Variants in MLH3 observed in about 807,000 individuals in gnomAD.
MLH3 encodes mutL homolog 3, also known as DNA mismatch repair protein Mlh3.
In MLH3, 82 loss-of-function variants were observed where a neutral mutation model predicts 122.2. The observed-to-expected ratio is 0.67, with a 90% confidence interval of 0.56 to 0.81. The LOEUF is 0.81. Ranked by LOEUF, MLH3 falls within the 30% of genes least tolerant of loss-of-function variation. MLH3 has a pLI of 0.00. For synonymous variants in MLH3, 524 were observed against 599.5 expected (o/e 0.87, Z 1.84); for missense variants, 1,539 against 1,714.5 (o/e 0.90, Z 1.81).
intron 6 of MLH3, chr14:75,036,845 C>T: frequency 2.2e-6 from 1 of 448,954 alleles, no homozygotes; most frequent in South Asian, 1.6e-5. Flanking sequence ...CTTTCCAATA[C>T]ATTCACTGCT....
chr14:75,025,807 G>A (rs900289189), intron 9 of MLH3, among the ~76,000 whole-genome samples: 8 of 152,116 alleles, frequency 5.3e-5, no homozygotes, highest in Non-Finnish European at 1.0e-4. Flanking sequence ...CCACCTTCAC[G>A]ATGGAACTCC....
intron 3 of MLH3, 107 bp from the exon 4 acceptor site, chr14:75,041,807 C>A: frequency 2.6e-6 from 2 of 779,444 alleles, no homozygotes; most frequent in Non-Finnish European, 4.6e-6. Flanking sequence ...AGGTCACGTA[C>A]ATTGTTTCTA....
chr14:75,039,350 G>A (rs1048000962), intron 5 of MLH3, among the ~76,000 whole-genome samples: 1 of 152,078 alleles, frequency 6.6e-6, no homozygotes, highest in Non-Finnish European at 1.5e-5. Flanking sequence ...AAATTTGTTA[G>A]CCTCCTAATT....
At chr14:75,018,138 T>C (rs1890019518) in intron 12 of MLH3, among the ~76,000 whole-genome samples, 2 of 140,834 alleles carry the variant, frequency 1.4e-5, no homozygotes, top group South Asian at 4.7e-4. Context: ...ACAGCAAAAC[T>C]CCGTCTCAAA....
chr14:75,032,499 G>A (rs982027629), intron 7 of MLH3, among the ~76,000 whole-genome samples: 1 of 152,208 alleles, frequency 6.6e-6, no homozygotes, highest in African/African-American at 2.4e-5. Flanking sequence ...TATGTGGGTT[G>A]ACCACACAGT....
intron 9 of MLH3, among the ~76,000 whole-genome samples, chr14:75,026,692 T>C (rs1045829810): frequency 6.6e-6 from 1 of 152,124 alleles, no homozygotes; most frequent in Non-Finnish European, 1.5e-5. Context: ...AGATACATCA[T>C]AGGGAAATTG....
intron 9 of MLH3, among the ~76,000 whole-genome samples, chr14:75,025,715 A>G (rs1890584815): frequency 6.6e-6 from 1 of 152,118 alleles, no homozygotes; most frequent in Non-Finnish European, 1.5e-5. Context: ...TACAGCCCAG[A>G]TTTATTTTCC....
chr14:75,027,285 G>A (rs1416452047), intron 9 of MLH3, among the ~76,000 whole-genome samples: 1 of 150,474 alleles, frequency 6.6e-6, no homozygotes, highest in Non-Finnish European at 1.5e-5. Context: ...TTGAGACAGA[G>A]TTTCACTCTT....
intron 5 of MLH3, among the ~76,000 whole-genome samples, chr14:75,039,078 C>T (rs1364445251): frequency 1.3e-5 from 2 of 152,050 alleles, no homozygotes; most frequent in African/African-American, 4.8e-5. Flanking sequence ...AGGATGGTCT[C>T]GAACTCCTGA....
chr14:75,022,081 G>T (rs923263588), intron 11 of MLH3, among the ~76,000 whole-genome samples: 1 of 152,166 alleles, frequency 6.6e-6, no homozygotes, highest in African/African-American at 2.4e-5. Flanking sequence ...ACCAAATACT[G>T]CATGTTCTTA....
rs61404096 is a variant in MLH3 at position 75,049,902 on chromosome 14, CA to C, written c.-63-185del. ...ATGCTTGGTGCAATGGATTAACATC[CA>C]AAAAAAATTCATAATTTCATAATTT... On this transcript the variant is annotated intron_variant, in intron 1 of 12. Transcript: ENST00000355774. Among the ~76,000 whole-genome samples, 11 of 151,962 alleles carry C rather than the reference CA, an allele frequency of 7.2e-5. 1 individual carries two copies. In the South Asian group the frequency reaches 1.2e-3, roughly 17 times the overall value.
chr14:75,023,879 T>G (rs910773189), intron 9 of MLH3, among the ~76,000 whole-genome samples: 1 of 152,220 alleles, frequency 6.6e-6, no homozygotes, highest in African/African-American at 2.4e-5. Context: ...TCATCTATAC[T>G]CTAGTCTGCC....
intron 2 of MLH3, among the ~76,000 whole-genome samples, chr14:75,042,975 A>C (rs28891996): frequency 7.2e-5 from 11 of 151,968 alleles, no homozygotes; most frequent in African/African-American, 2.7e-4. Flanking sequence ...ATGGGGTTTC[A>C]CCATATTGGC....
chr14:75,035,062 C>CAGAA (rs1891304543), intron 6 of MLH3, among the ~76,000 whole-genome samples: 1 of 40,248 alleles, frequency 2.5e-5, no homozygotes, highest in African/African-American at 1.0e-4. Context: ...GACTCCATCT[C>CAGAA]AAAAAAAAAA....
In MLH3 at chr14:75,031,101, C is replaced by T. The variant is rs1010038673; in HGVS notation, c.3828-399G>A. Among the ~76,000 whole-genome samples the T allele has an allele frequency of 7.2e-5, 11 of 152,004 alleles. No homozygotes were observed. The East Asian group carries it at 1.5e-3, about 21-fold the overall frequency. ...CAAGGAATTGAGAAGTCCTGACTAACGGGATGTAAGTAAATAGATCTGCCT... is the reference window on the plus strand; with the variant it reads ...CAAGGAATTGAGAAGTCCTGACTAATGGGATGTAAGTAAATAGATCTGCCT... On this transcript the variant is annotated intron_variant, in intron 8 of 12. Coordinates refer to ENST00000355774, the MANE Select transcript of MLH3 (RefSeq NM_001040108.2).
rs1555386134 is a variant in MLH3 at position 75,015,933 on chromosome 14, C to G, written c.*1149G>C. The G allele has an allele frequency of 8.6e-6, 2 of 231,352 alleles. No homozygotes were observed. The highest frequency in any genetic ancestry group is 1.7e-5 in the Non-Finnish European group (2 of 117,016). The allele number at this position is 231,352 out of a possible 1,614,324, so 14.3% of individuals were successfully genotyped here. A position where few individuals can be genotyped will look rare whatever the true frequency, so the allele number is the denominator to read the frequency against. ...CTTTGAGCAGGCTGGTCAGGAAATA[C>G]AAAAGTAGAAATTCTCATTGCATCA... On this transcript the variant is annotated 3_prime_UTR_variant, in exon 13 of 13. Transcript: ENST00000355774.
At chr14:75,045,950 AGGT>A (rs1475847714) in intron 2 of MLH3, among the ~76,000 whole-genome samples, 1 of 152,112 alleles carries the variant, frequency 6.6e-6, no homozygotes, top group Non-Finnish European at 1.5e-5. Context: ...AGGCCGAGGC[AGGT>A]GGATCACTTG....
rs1380372968 is a variant in MLH3 at position 75,049,210 on chromosome 14, T to C, written c.446A>G (p.Tyr149Cys). 1.2e-6 allele frequency: 2 copies of C among 1,614,218 alleles called. No homozygotes were observed. Among genetic ancestry groups the C allele is most frequent in the South Asian group, 1.1e-5 (1 of 91,082 alleles). The change falls in exon 2 of 13, where the codon TAT (tyrosine) becomes TGT (cysteine). Residue 149 changes from tyrosine (Y) to cysteine (C), a missense_variant. Coordinates refer to ENST00000355774, the MANE Select transcript of MLH3 (RefSeq NM_001040108.2). ...RASAGTTVTV[Y>C]NLFYQLPVRR... ...TACAGGAAGCTGGTAAAATAGGTTATACACTGTTACAGTAGTCCCAGCGCT... is the reference window on the plus strand; with the variant it reads ...TACAGGAAGCTGGTAAAATAGGTTACACACTGTTACAGTAGTCCCAGCGCT...
At chr14:75,023,058 T>C in intron 9 of MLH3, 40 bp from the exon 10 acceptor site, 1 of 1,610,922 alleles carries the variant, frequency 6.2e-7, no homozygotes, top group Non-Finnish European at 8.5e-7. Context: ...TCTACGGTTA[T>C]GTTTTACTTG....
Sources: allele counts gnomAD v4.1 joint callset (sites outside exome capture counted in the v4.1 genomes callset), GRCh38; gene constraint gnomAD v4.1.1; transcripts MANE v1.5; gene names NCBI Gene and HGNC (gene_info 2026-07-23, HGNC 2026-07-21).